The following PIK3CB variants were observed in gnomAD, a reference collection of about 807,000 sequenced individuals.
PIK3CB encodes the protein phosphatidylinositol-4,5-bisphosphate 3-kinase catalytic subunit beta.
A neutral mutation model predicts 136.8 loss-of-function variants in PIK3CB; 39 were observed. That is an observed-to-expected ratio of 0.29 (90% confidence interval 0.22 to 0.37). The LOEUF is 0.37. PIK3CB is among the 10% of genes least tolerant of loss of function. The pLI is 1.00. For missense variants in PIK3CB, 868 were observed against 1,275.4 expected (o/e 0.68, Z 4.87); for synonymous variants, 428 against 436.6 (o/e 0.98, Z 0.25).
In PIK3CB at chr3:138,653,168, C is replaced by T. The variant is rs1247493910; in HGVS notation, c.*2221G>A. ...TCTGGAGATGTCAATTTGTCTCAAC[C>T]TTGTCTATAGCTTAATGCAATTTGA... is the stretch of plus-strand genomic sequence containing the variant. On this transcript the variant is annotated 3_prime_UTR_variant, in exon 24 of 24. Coordinates refer to ENST00000674063, the MANE Select transcript of PIK3CB (RefSeq NM_006219.3). The T allele has an allele frequency of 5.5e-6, 1 of 181,278 alleles. No individual in the cohort carries two copies. The highest frequency in any genetic ancestry group is 2.4e-5 in the African/African-American group (1 of 42,452). The allele number at this position is 181,278 out of a possible 1,614,324, so 11.2% of individuals were successfully genotyped here.
chr3:138,784,837 T>TG (rs768755471), intron 2 of PIK3CB, among the ~76,000 whole-genome samples: 15 of 152,164 alleles, frequency 9.9e-5, no homozygotes, highest in Non-Finnish European at 1.5e-4. Flanking sequence ...TTGCAGCCTC[T>TG]GCCCGGCCGC....
chr3:138,826,705 C>T (rs1454363776), intron 1 of PIK3CB, among the ~76,000 whole-genome samples: 2 of 151,510 alleles, frequency 1.3e-5, no homozygotes, highest in African/African-American at 4.8e-5. Context: ...ATTCTTACAA[C>T]ACATACACTC....
chr3:138,689,807 C>A (rs1366747742), intron 15 of PIK3CB, among the ~76,000 whole-genome samples: 2 of 151,896 alleles, frequency 1.3e-5, no homozygotes, highest in African/African-American at 4.8e-5. Context: ...TTAGTTAATT[C>A]TTTATTCCAA....
chr3:138,780,844 G>A (rs2045915620), intron 2 of PIK3CB, among the ~76,000 whole-genome samples: 1 of 151,792 alleles, frequency 6.6e-6, no homozygotes, highest in Admixed American at 6.6e-5. Context: ...AATTTTGTGG[G>A]GTTTTTTTGT....
At chr3:138,662,053 T>C (rs936502185) in intron 21 of PIK3CB, among the ~76,000 whole-genome samples, 25 of 151,872 alleles carry the variant, frequency 1.6e-4, no homozygotes, top group African/African-American at 5.8e-4. Context: ...TATGATGTTC[T>C]AAAAGAGAAA....
intron 4 of PIK3CB, among the ~76,000 whole-genome samples, chr3:138,743,803 C>T (rs908196967): frequency 1.3e-5 from 2 of 152,168 alleles, no homozygotes; most frequent in Admixed American, 6.5e-5. Flanking sequence ...TCAAGCAATC[C>T]TCCCACCTCA....
chr3:138,694,961 T>C, intron 13 of PIK3CB, 54 bp from the exon 14 acceptor site: 6 of 1,544,224 alleles, frequency 3.9e-6, no homozygotes, highest in Non-Finnish European at 5.2e-6. Flanking sequence ...AGTAATCTAA[T>C]TTTCCTTGAC....
chr3:138,739,556 A>G (rs2045193324), intron 5 of PIK3CB, among the ~76,000 whole-genome samples: 1 of 151,138 alleles, frequency 6.6e-6, no homozygotes, highest in Non-Finnish European at 1.5e-5. Context: ...CCAGGAAGCA[A>G]TCCCTCATAA....
At chr3:138,702,740 GT>G (rs2044281464) in intron 12 of PIK3CB, among the ~76,000 whole-genome samples, 1 of 152,064 alleles carries the variant, frequency 6.6e-6, no homozygotes, top group African/African-American at 2.4e-5. Context: ...TCTTTTTAAA[GT>G]TTTTCTTTTA....
intron 1 of PIK3CB, among the ~76,000 whole-genome samples, chr3:138,816,611 T>G (rs1933342790): frequency 6.7e-6 from 1 of 149,994 alleles, no homozygotes; most frequent in South Asian, 2.1e-4. Flanking sequence ...AATAAATAAA[T>G]AAATAAATAA....
At position 138,826,007 on chromosome 3, in the gene PIK3CB, G is replaced by A. The variant is rs371389646; in HGVS notation, c.-122+8688C>T. 8.1e-6 allele frequency: 12 copies of A among 1,478,312 alleles called. No individual in the cohort carries two copies. In the East Asian group the frequency reaches 9.0e-5, roughly 11 times the overall value. 91.6% of individuals were successfully genotyped at this position (1,478,312 alleles called of 1,614,324 possible). On this transcript the variant is annotated intron_variant, in intron 1 of 23. Coordinates refer to ENST00000674063, the MANE Select transcript of PIK3CB (RefSeq NM_006219.3). Reference sequence around the variant, plus strand: ...GAACCATTCAGGCCAAATCAGTGCTGGCTATGCCACTGTACTGGATTGTCA... The same window carrying A: ...GAACCATTCAGGCCAAATCAGTGCTAGCTATGCCACTGTACTGGATTGTCA...
Position 138,654,785 on chromosome 3 carries a change from T to C in PIK3CB, c.*604A>G, listed in dbSNP as rs1304487802. The C allele has an allele frequency of 9.4e-6, 2 of 212,448 alleles. No individual in the cohort carries two copies. The highest frequency in any genetic ancestry group is 1.9e-4 in the South Asian group (1 of 5,342). 13.2% of individuals were successfully genotyped at this position (212,448 alleles called of 1,614,324 possible). On this transcript the variant is annotated 3_prime_UTR_variant, in exon 24 of 24. Coordinates refer to ENST00000674063, the MANE Select transcript of PIK3CB (RefSeq NM_006219.3). ...ATATATATTATATTTGCCTCACCAG[T>C]AGATTTTCAGCAAGTCTGGCTGGAA...
chr3:138,703,230 G>A (rs942715235), intron 12 of PIK3CB, among the ~76,000 whole-genome samples: 2 of 152,178 alleles, frequency 1.3e-5, no homozygotes, highest in Non-Finnish European at 2.9e-5. Flanking sequence ...TAAGAAAGCA[G>A]TAGCAGATGA....
At chr3:138,671,943 G>A (rs1431322070) in intron 19 of PIK3CB, among the ~76,000 whole-genome samples, 1 of 152,174 alleles carries the variant, frequency 6.6e-6, no homozygotes, top group African/African-American at 2.4e-5. Flanking sequence ...AAAGGGGAAG[G>A]GGTGTCTGTA....
At chr3:138,661,927 T>C (rs2043302529) in intron 21 of PIK3CB, among the ~76,000 whole-genome samples, 1 of 152,158 alleles carries the variant, frequency 6.6e-6, no homozygotes, top group African/African-American at 2.4e-5. Context: ...CTCTGAAAAA[T>C]GAAATTTTCA....
chr3:138,675,217 G>A (rs1322242763), intron 19 of PIK3CB, among the ~76,000 whole-genome samples: 1 of 152,066 alleles, frequency 6.6e-6, no homozygotes, highest in Non-Finnish European at 1.5e-5. Context: ...CAGCAGATAT[G>A]AGCATAATAA....
intron 19 of PIK3CB, among the ~76,000 whole-genome samples, chr3:138,678,819 G>A (rs890370821): frequency 1.3e-5 from 2 of 152,082 alleles, no homozygotes; most frequent in African/African-American, 2.4e-5. Flanking sequence ...ATCAAACCTT[G>A]TATAGATTTA....
At chr3:138,764,932 C>T (rs993228926) in intron 2 of PIK3CB, among the ~76,000 whole-genome samples, 2 of 152,206 alleles carry the variant, frequency 1.3e-5, no homozygotes, top group African/African-American at 4.8e-5. Flanking sequence ...TCTCCCTAGT[C>T]TCATATTATT....
At position 138,743,180 on chromosome 3, in the gene PIK3CB, T is replaced by G. The variant is rs55721514; in HGVS notation, c.398-399A>C. On this transcript the variant is annotated intron_variant, in intron 4 of 23. Coordinates refer to ENST00000674063, the MANE Select transcript of PIK3CB (RefSeq NM_006219.3). Reference sequence around the variant, plus strand: ...AAGACTAAGAATCTGAAAAACAGTTTCAATACTATATTAGAAGAAAACTAA... The same window carrying G: ...AAGACTAAGAATCTGAAAAACAGTTGCAATACTATATTAGAAGAAAACTAA... Among the ~76,000 whole-genome samples, 511 of 152,274 alleles carry G rather than the reference T, an allele frequency of 3.4e-3. 4 individuals carry two copies. Among genetic ancestry groups the G allele is most frequent in the Non-Finnish European group, 5.9e-3 (401 of 68,020 alleles).
Sources: gnomAD v4.1 joint callset for allele counts (sites outside exome capture counted in the v4.1 genomes callset) on GRCh38, gnomAD v4.1.1 for gene constraint, MANE v1.5 for transcripts, NCBI Gene and HGNC (gene_info 2026-07-23, HGNC 2026-07-21) for gene names.